Variants in RIMS2 observed in about 807,000 individuals in gnomAD.
RIMS2 encodes the protein regulating synaptic membrane exocytosis protein 2.
In RIMS2, 59 loss-of-function variants were observed where a neutral mutation model predicts 174.4. That is an observed-to-expected ratio of 0.34 (90% confidence interval 0.27 to 0.42). The LOEUF is 0.42. Among genes scored for constraint, RIMS2 ranks in the 10% least tolerant of loss-of-function variants. The pLI, the probability that RIMS2 is intolerant of heterozygous loss-of-function variation, is 1.00. For missense variants in RIMS2, 1,620 were observed against 1,666.3 expected (o/e 0.97, Z 0.48); for synonymous variants, 606 against 572.5 (o/e 1.06, Z -0.84).
intron 20 of RIMS2, among the ~76,000 whole-genome samples, chr8:104,246,691 C>T (rs2140128947): frequency 6.6e-6 from 1 of 152,154 alleles, no homozygotes; most frequent in Non-Finnish European, 1.5e-5. Flanking sequence ...GAGTGAAGAT[C>T]TGAAGGAATT....
At chr8:103,807,989 T>G (rs899652258) in intron 3 of RIMS2, among the ~76,000 whole-genome samples, 1 of 152,082 alleles carries the variant, frequency 6.6e-6, no homozygotes, top group Admixed American at 6.6e-5. Flanking sequence ...ACTAAAAATT[T>G]TATTTGCTTA....
chr8:103,965,616 T>C (rs1445422119), intron 15 of RIMS2, among the ~76,000 whole-genome samples: 1 of 152,166 alleles, frequency 6.6e-6, no homozygotes. Flanking sequence ...TTCTCCCTAA[T>C]CTGTATGCAT....
intron 1 of RIMS2, among the ~76,000 whole-genome samples, chr8:103,514,943 AC>A (rs1450449047): frequency 2.6e-5 from 4 of 151,978 alleles, no homozygotes; most frequent in African/African-American, 9.7e-5. Flanking sequence ...ACAAAAAAAA[AC>A]ACACACAAAA....
At chr8:103,600,736 G>A (rs2094696262) in intron 1 of RIMS2, among the ~76,000 whole-genome samples, 1 of 152,158 alleles carries the variant, frequency 6.6e-6, no homozygotes, top group Non-Finnish European at 1.5e-5. Flanking sequence ...GAATCATATG[G>A]TAGCTCAACA....
chr8:104,180,876 T>G (rs975571507), intron 19 of RIMS2, among the ~76,000 whole-genome samples: 1 of 151,798 alleles, frequency 6.6e-6, no homozygotes, highest in Admixed American at 6.6e-5. Context: ...CTTTTATGCC[T>G]GTAGCTTTCT....
intron 1 of RIMS2, among the ~76,000 whole-genome samples, chr8:103,602,189 A>G (rs1401410229): frequency 1.3e-5 from 2 of 152,056 alleles, no homozygotes; most frequent in African/African-American, 2.4e-5. Context: ...GGGTTTCACC[A>G]TGTTAGCCAG....
chr8:103,877,717 C>CT (rs980146178), intron 3 of RIMS2, among the ~76,000 whole-genome samples: 20 of 148,698 alleles, frequency 1.3e-4, no homozygotes, highest in African/African-American at 3.7e-4. Context: ...TATTGAGGCT[C>CT]TTTTTTTTTG....
At position 103,914,732 on chromosome 8, in the gene RIMS2, C is replaced by G. The variant is rs187671939; in HGVS notation, c.1813-763C>G. The stretch of plus-strand genomic sequence containing the variant: ...TCTATTTAGAAGAGAAAAACCAATT[C>G]ATTTCAGTCAGTGAGTTGCTATTAT... On this transcript the variant is annotated intron_variant, in intron 6 of 23. Coordinates refer to ENST00000504942, the Ensembl canonical transcript of RIMS2. Among the ~76,000 whole-genome samples, 437 of 152,238 alleles carry G rather than the reference C, an allele frequency of 2.9e-3. 2 individuals carry two copies. Among genetic ancestry groups the G allele is most frequent in the Non-Finnish European group, 4.8e-3 (325 of 67,988 alleles).
At chr8:103,647,907 T>TC (rs1334959365) in intron 1 of RIMS2, among the ~76,000 whole-genome samples, 2 of 151,670 alleles carry the variant, frequency 1.3e-5, no homozygotes, top group East Asian at 1.9e-4. Context: ...TTTTTTTTTT[T>TC]TTTAATTTTT....
intron 3 of RIMS2, chr8:103,880,401 A>G (rs2099161565): frequency 1.0e-5 from 3 of 299,100 alleles, no homozygotes; most frequent in Admixed American, 5.0e-5. Context: ...ATACAGCCAC[A>G]TAGTAACAGC....
intron 1 of RIMS2, among the ~76,000 whole-genome samples, chr8:103,513,769 C>T (rs1827701058): frequency 6.6e-6 from 1 of 152,054 alleles, no homozygotes; most frequent in Non-Finnish European, 1.5e-5. Context: ...TTATTGTAAT[C>T]ATAGTGGCTG....
At chr8:103,859,103 T>A (rs1399589415) in intron 3 of RIMS2, among the ~76,000 whole-genome samples, 1 of 152,144 alleles carries the variant, frequency 6.6e-6, no homozygotes, top group Non-Finnish European at 1.5e-5. Context: ...TGGAATTACA[T>A]ACTGAAATCT....
chr8:103,796,159 C>T (rs987809628), intron 3 of RIMS2, among the ~76,000 whole-genome samples: 7 of 152,248 alleles, frequency 4.6e-5, no homozygotes, highest in Middle Eastern at 3.4e-3. Context: ...ACTTTATTTA[C>T]TGCTCTCCAT....
At chr8:103,523,685 A>G (rs1212043321) in intron 1 of RIMS2, among the ~76,000 whole-genome samples, 2 of 152,170 alleles carry the variant, frequency 1.3e-5, no homozygotes, top group Admixed American at 6.6e-5. Context: ...GCCTCAAATA[A>G]CAGTTCAGTT....
At chr8:104,239,130 G>T (rs1167521808) in intron 19 of RIMS2, among the ~76,000 whole-genome samples, 2 of 152,182 alleles carry the variant, frequency 1.3e-5, no homozygotes, top group African/African-American at 2.4e-5. Context: ...TGTAAGCCCT[G>T]CCTTGGGTGG....
chr8:103,503,867 G>C (rs1435018384), intron 1 of RIMS2, among the ~76,000 whole-genome samples: 1 of 152,008 alleles, frequency 6.6e-6, no homozygotes, highest in African/African-American at 2.4e-5. Context: ...AGAGAACTGA[G>C]TGATCAAAAC....
intron 1 of RIMS2, among the ~76,000 whole-genome samples, chr8:103,504,844 TTC>T (rs1402220851): frequency 7.3e-5 from 9 of 123,618 alleles, no homozygotes; most frequent in African/African-American, 2.8e-4. Context: ...TTTTCTTTCT[TTC>T]TTTTTTTTTT....
exon 20 of RIMS2, chr8:104,245,012 G>A (rs560939153): frequency 1.9e-6 from 3 of 1,613,932 alleles, no homozygotes; most frequent in African/African-American, 2.7e-5. Context: ...CAGGCAAGCC[G>A]AGAGTCTACA....
At chr8:103,546,663 C>G (rs953606349) in intron 1 of RIMS2, among the ~76,000 whole-genome samples, 2 of 152,168 alleles carry the variant, frequency 1.3e-5, no homozygotes, top group Non-Finnish European at 2.9e-5. Flanking sequence ...TTCAAAAACA[C>G]CTAAATCATA....
Sources: gnomAD v4.1 joint callset for allele counts (sites outside exome capture counted in the v4.1 genomes callset) on GRCh38, gnomAD v4.1.1 for gene constraint, MANE v1.5 for transcripts, NCBI Gene and HGNC (gene_info 2026-07-23, HGNC 2026-07-21) for gene names.